THSD7A: variants seen among roughly 807,000 people sequenced by gnomAD.
THSD7A encodes thrombospondin type-1 domain-containing protein 7A.
THSD7A carries 96 observed loss-of-function variants against 231.3 expected under a neutral mutation model. The ratio of observed to expected loss-of-function variants is 0.41; its 90% CI spans 0.35 to 0.49. The LOEUF (loss-of-function observed/expected upper bound fraction) is 0.49. THSD7A is among the 20% of genes least tolerant of loss of function. THSD7A has a pLI of 0.05. For synonymous variants in THSD7A, 940 were observed against 743.3 expected (o/e 1.26, Z -4.30); for missense variants, 2,290 against 2,070.2 (o/e 1.11, Z -2.06).
chr7:11,735,001 C>A (rs953663504), intron 1 of THSD7A, among the ~76,000 whole-genome samples: 3 of 151,856 alleles, frequency 2.0e-5, no homozygotes, highest in African/African-American at 7.2e-5. Context: ...TAAGTTGTAA[C>A]ATTTTTCTGT....
At chr7:11,518,043 C>A (rs1204905797) in intron 6 of THSD7A, among the ~76,000 whole-genome samples, 3 of 152,182 alleles carry the variant, frequency 2.0e-5, no homozygotes, top group African/African-American at 7.2e-5. Context: ...GAGAGCTTGA[C>A]TGCTTGCTGG....
chr7:11,810,398 C>T (rs982686706), intron 1 of THSD7A, among the ~76,000 whole-genome samples: 2 of 152,122 alleles, frequency 1.3e-5, no homozygotes, highest in Non-Finnish European at 2.9e-5. Flanking sequence ...AAGCTGGTCA[C>T]TCCCCTTCAC....
rs148225805 is a variant in THSD7A, at chr7:11,710,236, G to C, written c.191-73275C>G. ...GCCAGGGAAAAAGCGTTGAGAATCA[G>C]TGCATCAAGGATAAATTAAACACAC... On this transcript the variant is annotated intron_variant, in intron 1 of 27. Coordinates refer to ENST00000423059, the MANE Select transcript of THSD7A (RefSeq NM_015204.3). Among the ~76,000 whole-genome samples, 34 of 149,116 alleles carry C rather than the reference G, an allele frequency of 2.3e-4. No individual in the cohort carries two copies. The East Asian group carries it at 6.6e-3, about 29-fold the overall frequency.
chr7:11,598,246 A>G (rs1187902648), intron 2 of THSD7A, among the ~76,000 whole-genome samples: 1 of 152,186 alleles, frequency 6.6e-6, no homozygotes, highest in African/African-American at 2.4e-5. Context: ...AAAATTGGTG[A>G]CAAAGAAATT....
intron 4 of THSD7A, among the ~76,000 whole-genome samples, chr7:11,560,137 C>T (rs1485170346): frequency 6.6e-6 from 1 of 152,030 alleles, no homozygotes; most frequent in Non-Finnish European, 1.5e-5. Context: ...TACATGTCAT[C>T]AGAAAGTGAA....
intron 19 of THSD7A, among the ~76,000 whole-genome samples, chr7:11,408,050 T>C (rs1049010619): frequency 7.9e-5 from 12 of 152,202 alleles, no homozygotes; most frequent in African/African-American, 2.9e-4. Context: ...AATTCAGTTA[T>C]GTTGGTGTCA....
intron 2 of THSD7A, among the ~76,000 whole-genome samples, chr7:11,630,083 T>C (rs1288535613): frequency 1.3e-5 from 2 of 152,212 alleles, no homozygotes; most frequent in Non-Finnish European, 2.9e-5. Flanking sequence ...TCCATTCTTG[T>C]TGATTCAGCC....
At chr7:11,605,203 T>C (rs374053849) in intron 2 of THSD7A, among the ~76,000 whole-genome samples, 1 of 152,126 alleles carries the variant, frequency 6.6e-6, no homozygotes, top group South Asian at 2.1e-4. Flanking sequence ...TATATATGTA[T>C]CTATCTATAG....
At chr7:11,671,682 G>C (rs2049536) in intron 1 of THSD7A, among the ~76,000 whole-genome samples, 2 of 151,928 alleles carry the variant, frequency 1.3e-5, no homozygotes, top group Non-Finnish European at 2.9e-5. Flanking sequence ...TGTATTAAAA[G>C]CATATACAGA....
chr7:11,650,176 G>A (rs1190963846), intron 1 of THSD7A, among the ~76,000 whole-genome samples: 1 of 151,972 alleles, frequency 6.6e-6, no homozygotes, highest in Non-Finnish European at 1.5e-5. Context: ...TTGCAATTGG[G>A]GCCAACATAT....
chr7:11,552,834 C>T (rs1034281786), intron 4 of THSD7A, among the ~76,000 whole-genome samples: 1 of 152,082 alleles, frequency 6.6e-6, no homozygotes, highest in Non-Finnish European at 1.5e-5. Flanking sequence ...CCAGCCTTCC[C>T]ATAAGCTATG....
Position 11,371,264 on chromosome 7 carries a change from C to T in THSD7A, c.*4530G>A, listed in dbSNP as rs1037960761. The T allele has an allele frequency of 1.3e-5, 2 of 152,156 alleles. No homozygotes were observed. The highest frequency in any genetic ancestry group is 2.9e-5 in the Non-Finnish European group (2 of 68,026). The allele number at this position is 152,156 out of a possible 1,614,324, so 9.4% of individuals were successfully genotyped here. On this transcript the variant is annotated 3_prime_UTR_variant, in exon 28 of 28. Transcript: ENST00000423059. Reference sequence around the variant, plus strand: ...AACCATCCTTTTTATAAATGGATAACTATTTGCTTGGCTCACACACCAGTT... The same window carrying T: ...AACCATCCTTTTTATAAATGGATAATTATTTGCTTGGCTCACACACCAGTT...
In THSD7A at chr7:11,481,912, G is replaced by A. The variant is rs1405930299; in HGVS notation, c.1893C>T (p.Cys631=). ...ATGTGCTGAGCACACAGTCTTTCGGGCATGGGGCATCACAGGCCACAGGGA... is the reference window on the plus strand; with the variant it reads ...ATGTGCTGAGCACACAGTCTTTCGGACATGGGGCATCACAGGCCACAGGGA... ...FPIPVACDAP[C]PKDCVLSTWS... Residue 631 remains cysteine (C), a synonymous_variant, in exon 7 of 28, where the codon TGC becomes TGT. Transcript: ENST00000423059. 2.5e-6 allele frequency: 4 copies of A among 1,613,716 alleles called. No homozygotes were observed. Among genetic ancestry groups the A allele is most frequent in the East Asian group, 2.2e-5 (1 of 44,836 alleles).
chr7:11,719,522 T>C (rs1283095022), intron 1 of THSD7A, among the ~76,000 whole-genome samples: 1 of 151,656 alleles, frequency 6.6e-6, no homozygotes, highest in African/African-American at 2.4e-5. Flanking sequence ...CTTTTTTCAC[T>C]GATATCCTGT....
chr7:11,557,660 G>C (rs1363916400), intron 4 of THSD7A, among the ~76,000 whole-genome samples: 1 of 152,062 alleles, frequency 6.6e-6, no homozygotes, highest in Non-Finnish European at 1.5e-5. Flanking sequence ...GTTACTGCAA[G>C]GTGAAGGCAG....
In THSD7A at chr7:11,678,774, G is replaced by A. The variant is rs200473342; in HGVS notation, c.191-41813C>T. ...AGCCGAATTCTACCAGAGGTACAAA[G>A]AGGAGCTGGTACCATTCCTCCTGAA... On this transcript the variant is annotated intron_variant, in intron 1 of 27. Transcript: ENST00000423059. Among the ~76,000 whole-genome samples, 27 of 152,234 alleles carry A rather than the reference G, an allele frequency of 1.8e-4. No individual in the cohort carries two copies. In the East Asian group the frequency reaches 5.2e-3, roughly 29 times the overall value.
chr7:11,596,491 C>A (rs777621115), intron 2 of THSD7A, among the ~76,000 whole-genome samples: 3 of 152,168 alleles, frequency 2.0e-5, no homozygotes, highest in Non-Finnish European at 4.4e-5. Context: ...TAGCAGCGGA[C>A]AGAACCCCCA....
chr7:11,601,377 T>C (rs1397321247), intron 2 of THSD7A, among the ~76,000 whole-genome samples: 2 of 152,150 alleles, frequency 1.3e-5, no homozygotes, highest in African/African-American at 4.8e-5. Context: ...ATAAAATATC[T>C]CCTGAGATAA....
intron 1 of THSD7A, among the ~76,000 whole-genome samples, chr7:11,776,333 G>A (rs982123717): frequency 1.3e-5 from 2 of 152,162 alleles, no homozygotes; most frequent in Non-Finnish European, 2.9e-5. Flanking sequence ...TATGAAATCA[G>A]TCCCAGTAAT....
Sources: allele counts gnomAD v4.1 joint callset (sites outside exome capture counted in the v4.1 genomes callset), GRCh38; gene constraint gnomAD v4.1.1; transcripts MANE v1.5; gene names NCBI Gene and HGNC (gene_info 2026-07-23, HGNC 2026-07-21).